Variants in RNF17 observed in about 807,000 individuals in gnomAD.
The protein encoded by RNF17 is spermatogenesis associated 23.
In RNF17, 31 loss-of-function variants were observed where a neutral mutation model predicts 200.5. That is an observed-to-expected ratio of 0.15 (90% CI 0.12 to 0.21). RNF17 has a LOEUF of 0.21. Ranked by LOEUF, RNF17 falls within the 10% of genes least tolerant of loss-of-function variation. The pLI, the probability that RNF17 is intolerant of heterozygous loss-of-function variation, is 1.00. For missense variants in RNF17, 1,628 were observed against 1,905.1 expected, an observed-to-expected ratio of 0.85 and a Z score of 2.71; for synonymous variants, 606 against 637.8, an observed-to-expected ratio of 0.95 and a Z score of 0.75.
downstream of RNF17, chr13:24,884,337 G>A (rs1462725248): frequency 6.8e-6 from 11 of 1,614,092 alleles, no homozygotes; most frequent in Non-Finnish European, 9.3e-6. Flanking sequence ...CTTTGGTCTG[G>A]CATGACCTGC....
At chr13:24,841,193 A>G (rs144418973) in intron 18 of RNF17, among the ~76,000 whole-genome samples, 80 of 152,380 alleles carry the variant, frequency 5.3e-4, no homozygotes, top group African/African-American at 1.8e-3. Context: ...GTCTAGTTTA[A>G]GAAATAGATC....
chr13:24,885,275 C>G, the RNF17 span: 1 of 1,569,788 alleles, frequency 6.4e-7, no homozygotes, highest in Non-Finnish European at 8.8e-7. Flanking sequence ...CATTTTTTAA[C>G]CTTTCCATCA....
At chr13:24,826,214 C>A in intron 16 of RNF17, 1 of 422,968 alleles carries the variant, frequency 2.4e-6, no homozygotes, top group Non-Finnish European at 3.2e-6. Context: ...ATTTTTTCTA[C>A]TTTTTCTACA....
chr13:24,851,350 T>C, intron 23 of RNF17, 106 bp from the exon 24 acceptor site: 2 of 801,106 alleles, frequency 2.5e-6, no homozygotes, highest in Non-Finnish European at 4.1e-6. Flanking sequence ...GCTGGGAATA[T>C]TTCTTGCTTA....
intron 15 of RNF17, among the ~76,000 whole-genome samples, chr13:24,805,943 G>A (rs964883782): frequency 1.2e-4 from 18 of 151,760 alleles, no homozygotes; most frequent in African/African-American, 3.9e-4. Context: ...AGAACATGCA[G>A]GTTTGTTACA....
downstream of RNF17, among the ~76,000 whole-genome samples, chr13:24,881,380 AT>A (rs1228022224): frequency 6.6e-6 from 1 of 151,986 alleles, no homozygotes; most frequent in Non-Finnish European, 1.5e-5. Flanking sequence ...ACCTCAAGTG[AT>A]CTGCCAACTT....
chr13:24,782,684 A>G (rs1024706519), intron 6 of RNF17, among the ~76,000 whole-genome samples: 3 of 152,144 alleles, frequency 2.0e-5, no homozygotes, highest in African/African-American at 7.2e-5. Context: ...AAAACAAAAA[A>G]AAATCAACCA....
intron 16 of RNF17, among the ~76,000 whole-genome samples, chr13:24,829,687 TGTATTA>T (rs1268938746): frequency 3.3e-5 from 5 of 152,224 alleles, no homozygotes; most frequent in African/African-American, 1.2e-4. Context: ...TGACAGATAC[TGTATTA>T]GTCTTTAAGT....
intron 16 of RNF17, among the ~76,000 whole-genome samples, chr13:24,829,890 A>G (rs1889196404): frequency 6.6e-6 from 1 of 152,162 alleles, no homozygotes; most frequent in Non-Finnish European, 1.5e-5. Context: ...AAAATTTCAC[A>G]GATACTGTTA....
At chr13:24,802,310 C>G (rs935891652) in intron 13 of RNF17, 71 bp from the exon 14 acceptor site, 1 of 1,394,434 alleles carries the variant, frequency 7.2e-7, no homozygotes, top group African/African-American at 1.4e-5. Context: ...TGGTACAAAC[C>G]TAAATCCAGA....
rs547102619 is a variant in RNF17, at chr13:24,864,603, G to T, written c.3976-270G>T. ...TATCATCTAAAGGTGATGTATTTGG[G>T]AATTGGAATTATATATAACTAGTTA... On this transcript the variant is annotated intron_variant, in intron 28 of 35. Coordinates refer to ENST00000255324, the MANE Select transcript of RNF17 (RefSeq NM_031277.3). Among the ~76,000 whole-genome samples the T allele has an allele frequency of 2.2e-4, 33 of 152,232 alleles. 2 individuals carry two copies. In the South Asian group the frequency reaches 6.7e-3, roughly 31 times the overall value.
At chr13:24,820,181 G>A (rs1479179632) in intron 15 of RNF17, among the ~76,000 whole-genome samples, 1 of 147,658 alleles carries the variant, frequency 6.8e-6, no homozygotes. Flanking sequence ...GGAGGCAGTG[G>A]CACGATCTCT....
rs371590021 is a variant in RNF17, at chr13:24,830,615, T to C, written c.2361+16T>C. On this transcript the variant is annotated intron_variant, in intron 17 of 35. Transcript: ENST00000255324. Reference sequence around the variant, plus strand: ...CCCAGAGAAGGTAATTTATTTATTATGAATTCTAGGGCTAGAATATCAGCA... The same window carrying C: ...CCCAGAGAAGGTAATTTATTTATTACGAATTCTAGGGCTAGAATATCAGCA... 1.4e-6 allele frequency: 2 copies of C among 1,469,682 alleles called. No homozygotes were observed. Among genetic ancestry groups the C allele is most frequent in the African/African-American group, 1.4e-5 (1 of 71,802 alleles). 91.0% of individuals were successfully genotyped at this position (1,469,682 alleles called of 1,614,324 possible). A position where few individuals can be genotyped will look rare whatever the true frequency, so the allele number is the denominator to read the frequency against.
chr13:24,792,105 C>T (rs1466524042), intron 9 of RNF17, among the ~76,000 whole-genome samples: 1 of 152,130 alleles, frequency 6.6e-6, no homozygotes, highest in Non-Finnish European at 1.5e-5. Context: ...AATCAACAAC[C>T]TTTGCAATCA....
intron 4 of RNF17, 56 bp from the exon 5 acceptor site, chr13:24,779,611 G>A (rs923901103): frequency 1.3e-5 from 17 of 1,349,430 alleles, no homozygotes; most frequent in Non-Finnish European, 1.8e-5. Context: ...ATATATATAT[G>A]TCTAGGCATC....
upstream of RNF17, among the ~76,000 whole-genome samples, chr13:24,760,659 G>T (rs1878659457): frequency 6.6e-6 from 1 of 152,084 alleles, no homozygotes; most frequent in Non-Finnish European, 1.5e-5. Flanking sequence ...ACTCTGCATA[G>T]CAAAGGAAAC....
the RNF17 span, among the ~76,000 whole-genome samples, chr13:24,749,291 T>TTTTCTTTCTTTCTTTC: frequency 3.0e-5 from 3 of 99,628 alleles, no homozygotes; most frequent in Non-Finnish European, 6.0e-5. Context: ...GAACTTTCTT[T>TTTTCTTTCTTTCTTTC]TTTCTTTCTT....
chr13:24,870,637 A>G lies in RNF17; in HGVS notation c.4345A>G (p.Ser1449Gly), dbSNP rs1478408407. ...QSNQHSDTDD[S>G]GVSGESESES... The stretch of plus-strand genomic sequence containing the variant: ...TAACCAGCATAGTGACACAGATGAT[A>G]GTGGAGTCAGCGGGGAATCAGAATC... Residue 1449 changes from serine to glycine, a missense_variant, in exon 32 of 36, where the codon AGT becomes GGT. Physicochemically the swap from Ser to Gly is moderately conservative, Grantham distance 56 (BLOSUM62 0). Transcript: ENST00000255324. 6 of 1,614,108 alleles carry G rather than the reference A, an allele frequency of 3.7e-6. No homozygotes were observed. The highest frequency in any genetic ancestry group is 5.1e-6 in the Non-Finnish European group (6 of 1,179,914).
Position 24,870,708 on chromosome 13 carries a change from G to C in RNF17, c.4416G>C (p.Glu1472Asp), listed in dbSNP as rs1223858404. The C allele has an allele frequency of 1.2e-6, 2 of 1,614,114 alleles. No individual in the cohort carries two copies. Among genetic ancestry groups the C allele is most frequent in the East Asian group, 2.2e-5 (1 of 44,884 alleles). Reference protein sequence around the residue: ...EALQRVNKKVEALPPLTDFRT... With the variant: ...EALQRVNKKVDALPPLTDFRT... ...TGCAGAGGGTTAATAAGAAGGTAGA[G>C]GCGCTTCCTCCTCTGACGGATTTTA... The change falls in exon 32 of 36, where the codon GAG becomes GAC. Residue 1472 changes from glutamate (E) to aspartate (D), a missense_variant. This residue lies in a region of RNF17 where 609 missense variants were observed against 681.9 expected (regional missense o/e 0.89). Coordinates refer to ENST00000255324, the MANE Select transcript of RNF17 (RefSeq NM_031277.3).
Sources: allele counts gnomAD v4.1 joint callset (sites outside exome capture counted in the v4.1 genomes callset), GRCh38; gene constraint gnomAD v4.1.1; regional missense constraint gnomAD v4.1.1; transcripts MANE v1.5; gene names NCBI Gene and HGNC (gene_info 2026-07-23, HGNC 2026-07-21).